The following CD81 variants were observed in gnomAD, a reference collection of about 807,000 sequenced individuals.
CD81 encodes the protein CD81 molecule, also known as CD81 antigen.
Under a neutral mutation model 30.1 loss-of-function variants are expected in CD81, and 10 were observed. The observed-to-expected ratio is 0.33, with a 90% CI of 0.21 to 0.56. The LOEUF is 0.56. CD81 is among the 20% of genes least tolerant of loss of function. The pLI is 0.89. For missense variants in CD81, 263 were observed against 308.7 expected (o/e 0.85, Z 1.11); for synonymous variants, 147 against 126.4 (o/e 1.16, Z -1.10).
At chr11:2,383,867 T>C (rs1461552401) in intron 1 of CD81, among the ~76,000 whole-genome samples, 1 of 152,096 alleles carries the variant, frequency 6.6e-6, no homozygotes, top group Non-Finnish European at 1.5e-5. Flanking sequence ...GGCGACCAGA[T>C]CCCTGCCCTT....
chr11:2,385,435 A>C (rs1849773962), intron 1 of CD81, among the ~76,000 whole-genome samples: 1 of 152,106 alleles, frequency 6.6e-6, no homozygotes, highest in Non-Finnish European at 1.5e-5. Context: ...AGGCACTTGC[A>C]CATCGTTGCT....
chr11:2,393,726 C>T (rs1045475443), intron 2 of CD81: 14 of 596,612 alleles, frequency 2.3e-5, no homozygotes, highest in Admixed American at 5.8e-5. Context: ...GCTTTGGGAG[C>T]GGGTGAAGGC....
chr11:2,377,486 CGCCGGCCCGCCCGCCGCCCAGG>C lies in CD81; in HGVS notation c.-63_-42del, dbSNP rs1033047881. On this transcript the variant is annotated 5_prime_UTR_variant, in exon 1 of 8. Transcript: ENST00000263645. The surrounding 1 kb of genome is among the most constrained non-coding windows in gnomAD (Gnocchi z 7.7). ...CTTGCCGGCCACCCGCCAGGCCCCG[CGCCGGCCCGCCCGCCGCCCAGG>C]ACCGGCCCGCGCCCCGCAGGCCGCC... 25 of 727,266 alleles carry C rather than the reference CGCCGGCCCGCCCGCCGCCCAGG, an allele frequency of 3.4e-5. No individual in the cohort carries two copies. The highest frequency in any genetic ancestry group is 6.7e-6 in the Non-Finnish European group (4 of 595,498). The allele number at this position is 727,266 out of a possible 1,614,324, so 45.1% of individuals were successfully genotyped here. A position where few individuals can be genotyped will look rare whatever the true frequency, so the allele number is the denominator to read the frequency against.
At position 2,394,756 on chromosome 11, in the gene CD81, G is replaced by A. The variant is rs12285824; in HGVS notation, c.280-216G>A. The A allele has an allele frequency of 0.036, 22,757 of 633,794 alleles. 1,769 individuals are homozygous for A. The highest frequency in any genetic ancestry group is 0.23 in the African/African-American group (13,027 of 55,696). The allele number at this position is 633,794 out of a possible 1,614,324, so 39.3% of individuals were successfully genotyped here. On this transcript the variant is annotated intron_variant, in intron 3 of 7. Transcript: ENST00000263645. The stretch of plus-strand genomic sequence containing the variant: ...CCCGTCCTGTGGAGCCTGGTGCCGC[G>A]TGGGGACATCCTGGGCTTTGACGGC...
Position 2,394,097 on chromosome 11 carries a change from A to C in CD81, c.184A>C (p.Ile62Leu). 6.2e-7 allele frequency: 1 copy of C among 1,612,324 alleles called. No homozygotes were observed. The highest frequency in any genetic ancestry group is 8.5e-7 in the Non-Finnish European group (1 of 1,179,122). ...CCTGGTGTCTCTCTCCCCGCAAGGCATCTACATCCTCATCGCTGTGGGCGC... is the reference window on the plus strand; with the variant it reads ...CCTGGTGTCTCTCTCCCCGCAAGGCCTCTACATCCTCATCGCTGTGGGCGC... The part of the protein sequence containing the change: ...KPAPNTFYVG[I>L]YILIAVGAVM... Residue 62 changes from isoleucine to leucine, a missense_variant and splice_region_variant, in exon 3 of 8, where the codon ATC becomes CTC. By Grantham distance (5) the Ile-to-Leu change is conservative. Transcript: ENST00000263645.
At chr11:2,386,152 G>A (rs1371227768) in intron 1 of CD81, 1 of 717,402 alleles carries the variant, frequency 1.4e-6, no homozygotes, top group African/African-American at 1.7e-5. Flanking sequence ...CTGGTCCCTG[G>A]CAAGGTGGAG....
chr11:2,376,434 GTCA>G (rs909573245), upstream of CD81: 17 of 152,228 alleles, frequency 1.1e-4, no homozygotes, highest in African/African-American at 4.1e-4. Flanking sequence ...TCGTCAGTGT[GTCA>G]TCTCCTGCAA....
intron 1 of CD81, among the ~76,000 whole-genome samples, chr11:2,384,014 G>A (rs911753088): frequency 3.9e-5 from 6 of 152,190 alleles, no homozygotes; most frequent in South Asian, 2.1e-4. Flanking sequence ...CCCGGGCAGC[G>A]CCTGCTGCCT....
chr11:2,384,943 C>T (rs1044045788), intron 1 of CD81, among the ~76,000 whole-genome samples: 7 of 152,072 alleles, frequency 4.6e-5, no homozygotes, highest in African/African-American at 1.7e-4. Flanking sequence ...CCCTCATCAC[C>T]GTGAAAGCGG....
intron 2 of CD81, among the ~76,000 whole-genome samples, chr11:2,390,889 G>T (rs939463771): frequency 1.3e-5 from 2 of 151,896 alleles, no homozygotes; most frequent in African/African-American, 2.4e-5. Context: ...GCCCGGGAGG[G>T]AGGGAGGGAT....
intron 1 of CD81, among the ~76,000 whole-genome samples, chr11:2,380,647 T>A (rs1849689722): frequency 1.3e-5 from 2 of 152,004 alleles, no homozygotes; most frequent in Admixed American, 1.3e-4. Flanking sequence ...CTTGGGTGGG[T>A]CTCGGAGCCT....
chr11:2,380,051 G>T (rs970029516), intron 1 of CD81, among the ~76,000 whole-genome samples: 6 of 152,214 alleles, frequency 3.9e-5, no homozygotes, highest in Non-Finnish European at 7.3e-5. Flanking sequence ...CCTCCTGGTG[G>T]TGTTGGTGGA....
At position 2,394,965 on chromosome 11, in the gene CD81, G is replaced by T. The variant is rs772480396; in HGVS notation, c.280-7G>T. The T allele has an allele frequency of 1.8e-5, 29 of 1,612,308 alleles. No individual in the cohort carries two copies. The East Asian group carries it at 5.8e-4, about 32-fold the overall frequency. The stretch of plus-strand genomic sequence containing the variant: ...CTTTCCTCCCTCTGGCCACTGCCCG[G>T]CTCCAGTTCTTCACCTGCCTGGTCA... On this transcript the variant is annotated splice_region_variant and splice_polypyrimidine_tract_variant and intron_variant, in intron 3 of 7. Transcript: ENST00000263645.
intron 1 of CD81, among the ~76,000 whole-genome samples, chr11:2,382,307 G>A (rs952018424): frequency 1.3e-5 from 2 of 152,370 alleles, no homozygotes; most frequent in Non-Finnish European, 2.9e-5. Context: ...GCTTGTAAGC[G>A]CCTCTCTCCA....
In CD81 at chr11:2,396,644, A is replaced by C; in HGVS notation, c.578A>C (p.Lys193Thr). ...CCCCTGCAGGAGGACTGCCACCAGA[A>C]GATCGATGACCTCTTCTCCGGGAAG... ...SNLFKEDCHQ[K>T]IDDLFSGKLY... Residue 193 changes from lysine to threonine, a missense_variant, in exon 7 of 8, where the codon AAG becomes ACG. Lys to Thr is a moderately conservative substitution (Grantham distance 78, BLOSUM62 -1). This residue lies in a region of CD81 where 176 missense variants were observed against 192.9 expected (regional missense o/e 0.91). Coordinates refer to ENST00000263645, the MANE Select transcript of CD81 (RefSeq NM_004356.4). 1 of 1,611,544 alleles carries C rather than the reference A, an allele frequency of 6.2e-7. No homozygotes were observed. Among genetic ancestry groups the C allele is most frequent in the Non-Finnish European group, 8.5e-7 (1 of 1,179,990 alleles).
chr11:2,380,977 C>T (rs183690500), intron 1 of CD81, among the ~76,000 whole-genome samples: 1 of 152,344 alleles, frequency 6.6e-6, no homozygotes, highest in Non-Finnish European at 1.5e-5. Flanking sequence ...GGGTATTTCT[C>T]GCTTCCAGAC....
chr11:2,397,109 G>T lies in CD81; in HGVS notation c.*243G>T. ...CTGGGTCTTGGGGACTGGAGGGCAG[G>T]GGTCCTTCTGCCCTGGGGTCCCAGG... On this transcript the variant is annotated 3_prime_UTR_variant, in exon 8 of 8. Coordinates refer to ENST00000263645, the MANE Select transcript of CD81 (RefSeq NM_004356.4). 2 of 557,796 alleles carry T rather than the reference G, an allele frequency of 3.6e-6. No individual in the cohort carries two copies. Among genetic ancestry groups the T allele is most frequent in the South Asian group, 2.0e-5 (1 of 49,858 alleles). The allele number at this position is 557,796 out of a possible 1,614,324, so 34.6% of individuals were successfully genotyped here. A position where few individuals can be genotyped will look rare whatever the true frequency, so the allele number is the denominator to read the frequency against.
chr11:2,394,189 G>A lies in CD81; in HGVS notation c.276G>A (p.Gly92=), dbSNP rs773487658. The change falls in exon 3 of 8, where the codon GGG becomes GGA. Residue 92 remains glycine (G), a synonymous_variant. Coordinates refer to ENST00000263645, the MANE Select transcript of CD81 (RefSeq NM_004356.4). The part of the protein sequence containing the change: ...GAIQESQCLL[G]TFFTCLVILF... ...TCCAGGAATCCCAGTGCCTGCTGGGGACGGTAAGGCAGGGAGGCGGGCCTG... is the reference window on the plus strand; with the variant it reads ...TCCAGGAATCCCAGTGCCTGCTGGGAACGGTAAGGCAGGGAGGCGGGCCTG... The A allele has an allele frequency of 1.2e-6, 2 of 1,606,176 alleles. No individual in the cohort carries two copies. The highest frequency in any genetic ancestry group is 2.2e-5 in the East Asian group (1 of 44,822).
chr11:2,377,747 C>A lies in CD81; in HGVS notation c.66+132C>A. ...AAGTTGTGGGGCCACCTGTGGGCTC[C>A]AGGAGCGGGGTGGGGGGTCGCCCGG... On this transcript the variant is annotated intron_variant, in intron 1 of 7. Coordinates refer to ENST00000263645, the MANE Select transcript of CD81 (RefSeq NM_004356.4). This position sits in a 1 kb window ranked among gnomAD's most constrained non-coding sequence, Gnocchi z 7.7. 2 of 364,256 alleles carry A rather than the reference C, an allele frequency of 5.5e-6. No homozygotes were observed. The highest frequency in any genetic ancestry group is 9.3e-6 in the Non-Finnish European group (2 of 215,874). The allele number at this position is 364,256 out of a possible 1,614,324, so 22.6% of individuals were successfully genotyped here. A position where few individuals can be genotyped will look rare whatever the true frequency, so the allele number is the denominator to read the frequency against.
Sources: gnomAD v4.1 joint callset for allele counts (sites outside exome capture counted in the v4.1 genomes callset) on GRCh38, gnomAD v4.1.1 for gene constraint, gnomAD v4.1.1 regional missense constraint, Gnocchi (gnomAD v3.1) non-coding constraint, MANE v1.5 for transcripts, NCBI Gene and HGNC (gene_info 2026-07-23, HGNC 2026-07-21) for gene names.